The following NTMT1 variants were observed in gnomAD, a reference collection of about 807,000 sequenced individuals.
NTMT1 encodes N-terminal RCC1 methyltransferase.
In NTMT1, 8 loss-of-function variants were observed where a neutral mutation model predicts 17.5. The ratio of observed to expected loss-of-function variants is 0.46; its 90% CI spans 0.27 to 0.82. The LOEUF (loss-of-function observed/expected upper bound fraction) is 0.82. NTMT1 is among the 40% of genes least tolerant of loss of function. The pLI is 0.15. For synonymous variants in NTMT1, 128 were observed against 126.8 expected (o/e 1.01, Z -0.06); for missense variants, 221 against 303.5 (o/e 0.73, Z 2.02).
At chr9:129,612,984 C>T in intron 1 of NTMT1, 1 of 1,275,054 alleles carries the variant, frequency 7.8e-7, no homozygotes, top group Non-Finnish European at 1.1e-6. Context: ...CCCACGGTGA[C>T]TTGGCTCTCA....
chr9:129,635,032 C>CTATTCTATGAATAGGGGTT, intron 3 of NTMT1, 176 bp from the exon 4 acceptor site: 1 of 720,096 alleles, frequency 1.4e-6, no homozygotes, highest in East Asian at 2.6e-5. Flanking sequence ...CCACAGTTTC[C>CTATTCTATGAATAGGGGTT]TATTCTATGA....
At chr9:129,633,903 A>T in intron 2 of NTMT1, 151 bp from the exon 3 acceptor site, 6 of 793,508 alleles carry the variant, frequency 7.6e-6, no homozygotes, top group Non-Finnish European at 1.2e-5. Flanking sequence ...ACTCCGTACA[A>T]GCTGGCAGCC....
intron 1 of NTMT1, 142 bp downstream of exon 1, chr9:129,626,437 T>C (rs4443759): frequency 0.97 from 148,377 of 152,410 alleles, 72,251 homozygotes; most frequent in Middle Eastern, 0.99. Flanking sequence ...GGCACAGGCC[T>C]CACGTGCGCG....
chr9:129,622,822 G>T (rs186029579), upstream of NTMT1, among the ~76,000 whole-genome samples: 29 of 152,162 alleles, frequency 1.9e-4, no homozygotes, highest in Non-Finnish European at 2.1e-4. Flanking sequence ...GAGCTCAGGA[G>T]TTCGCAATCA....
chr9:129,617,650 T>C (rs1830457430), intron 1 of NTMT1, among the ~76,000 whole-genome samples: 1 of 152,184 alleles, frequency 6.6e-6, no homozygotes, highest in East Asian at 1.9e-4. Flanking sequence ...TGGTTGAACG[T>C]TCTGAGGTTG....
chr9:129,619,329 C>A (rs940669292), intron 1 of NTMT1, among the ~76,000 whole-genome samples: 2 of 152,052 alleles, frequency 1.3e-5, no homozygotes, highest in African/African-American at 4.8e-5. Flanking sequence ...TGGGTTGATT[C>A]ATTGATGAAC....
upstream of NTMT1, among the ~76,000 whole-genome samples, chr9:129,622,008 C>T (rs2118900494): frequency 6.6e-6 from 1 of 152,322 alleles, no homozygotes; most frequent in Admixed American, 6.5e-5. Flanking sequence ...TAGCAGTGGG[C>T]ACTGAGGCCT....
Position 129,635,356 on chromosome 9 carries a change from C to T in NTMT1, c.564C>T (p.Asp188=), listed in dbSNP as rs753986887. 4 of 1,613,842 alleles carry T rather than the reference C, an allele frequency of 2.5e-6. No homozygotes were observed. Among genetic ancestry groups the T allele is most frequent in the African/African-American group, 1.3e-5 (1 of 75,052 alleles). Residue 188 remains aspartate, a synonymous_variant, in exon 4 of 4, where the codon GAC becomes GAT. Coordinates refer to ENST00000372483, the MANE Select transcript of NTMT1 (RefSeq NM_014064.4). ...ACAGCAGCGTGTGCCGGGACCTTGACGTGGTCCGCAGGATCATCTGCAGTG... is the reference window on the plus strand; with the variant it reads ...ACAGCAGCGTGTGCCGGGACCTTGATGTGGTCCGCAGGATCATCTGCAGTG... ...DVDSSVCRDL[D]VVRRIICSAG... is the part of the protein sequence containing the mutation.
rs550471310 is a variant in NTMT1 at position 129,635,223 on chromosome 9, A to G, written c.431A>G (p.Gln144Arg). 1 of 1,610,532 alleles carries G rather than the reference A, an allele frequency of 6.2e-7. No individual in the cohort carries two copies. The highest frequency in any genetic ancestry group is 2.2e-5 in the East Asian group (1 of 44,862). Residue 144 changes from glutamine to arginine, a missense_variant, in exon 4 of 4, where the codon CAG becomes CGG. Coordinates refer to ENST00000372483, the MANE Select transcript of NTMT1 (RefSeq NM_014064.4). Reference protein sequence around the residue: ...IQWVIGHLTDQHLAEFLRRCK... With the variant: ...IQWVIGHLTDRHLAEFLRRCK... ...CCCTCCCCAGGCCACCTCACCGATCAGCACCTGGCCGAGTTCCTGCGGCGC... is the reference window on the plus strand; with the variant it reads ...CCCTCCCCAGGCCACCTCACCGATCGGCACCTGGCCGAGTTCCTGCGGCGC...
chr9:129,628,314 A>T (rs1246356695), intron 1 of NTMT1, among the ~76,000 whole-genome samples: 2 of 152,234 alleles, frequency 1.3e-5, no homozygotes, highest in Non-Finnish European at 1.5e-5. Flanking sequence ...GTTAGGGCAG[A>T]TGTCAAAGTC....
chr9:129,634,431 G>T, intron 3 of NTMT1, 125 bp downstream of exon 3: 1 of 971,558 alleles, frequency 1.0e-6, no homozygotes. Context: ...TCCCCACCCC[G>T]CCCAGGCCCA....
chr9:129,627,719 C>T (rs1830965517), intron 1 of NTMT1, among the ~76,000 whole-genome samples: 1 of 152,214 alleles, frequency 6.6e-6, no homozygotes, highest in African/African-American at 2.4e-5. Context: ...TTTCTCACTT[C>T]CTTCTTTTTC....
intron 1 of NTMT1, among the ~76,000 whole-genome samples, chr9:129,629,618 T>A (rs1309248952): frequency 6.6e-6 from 1 of 152,204 alleles, no homozygotes; most frequent in Non-Finnish European, 1.5e-5. Flanking sequence ...GGGACACCAG[T>A]GTGGGAGCTT....
intron 1 of NTMT1, among the ~76,000 whole-genome samples, chr9:129,629,139 T>C (rs3780695): frequency 0.5 from 75,432 of 151,724 alleles, 19,664 homozygotes; most frequent in Non-Finnish European, 0.59. Context: ...TTATAGGTTA[T>C]AGGTTATAGA....
intron 1 of NTMT1, chr9:129,619,989 G>A: frequency 2.7e-6 from 4 of 1,469,536 alleles, no homozygotes; most frequent in Non-Finnish European, 2.7e-6. Context: ...GTGGTGGGGT[G>A]GTGGGTGCGG....
intron 1 of NTMT1, chr9:129,615,694 C>T (rs1373466114): frequency 6.7e-7 from 1 of 1,484,300 alleles, no homozygotes; most frequent in Admixed American, 2.3e-5. Flanking sequence ...CCACCGTACC[C>T]CAGCACACAC....
At chr9:129,634,001 C>A (rs1831355032) in intron 2 of NTMT1, 53 bp from the exon 3 acceptor site, 1 of 1,572,134 alleles carries the variant, frequency 6.4e-7, no homozygotes, top group Non-Finnish European at 8.7e-7. Flanking sequence ...GAGGAAGGGC[C>A]GCACGTGCGG....
At chr9:129,623,013 A>C (rs1031250815), upstream of NTMT1, among the ~76,000 whole-genome samples, 10 of 141,958 alleles carry the variant, frequency 7.0e-5, no homozygotes, top group African/African-American at 8.0e-5. Context: ...TGGGCAACAG[A>C]GTGAGACTCC....
intron 1 of NTMT1, among the ~76,000 whole-genome samples, chr9:129,612,952 CAG>C (rs1477673300): frequency 2.6e-4 from 39 of 152,168 alleles, no homozygotes; most frequent in African/African-American, 8.9e-4. Flanking sequence ...TGCAGGAACA[CAG>C]GGCGTGGCCA....
Sources: allele counts gnomAD v4.1 joint callset (sites outside exome capture counted in the v4.1 genomes callset), GRCh38; gene constraint gnomAD v4.1.1; transcripts MANE v1.5; gene names NCBI Gene and HGNC (gene_info 2026-07-23, HGNC 2026-07-21).